TLE2: variants seen among roughly 807,000 people sequenced by gnomAD.
The protein encoded by TLE2 is TLE family member 2, transcriptional corepressor.
Under a neutral mutation model 97.2 loss-of-function variants are expected in TLE2, and 74 were observed. The ratio of observed to expected loss-of-function variants is 0.76; its 90% CI spans 0.63 to 0.92. The LOEUF (loss-of-function observed/expected upper bound fraction) is 0.92, where lower values mean the gene tolerates loss of function less well. Among genes scored for constraint, TLE2 ranks in the 40% least tolerant of loss-of-function variants. The probability of loss-of-function intolerance (pLI) is 0.00; values close to 1 mark genes in which losing one functional copy is unlikely to be tolerated. For synonymous variants in TLE2, 499 were observed against 432.1 expected (o/e 1.15, Z -1.92); for missense variants, 1,038 against 1,008.7 (o/e 1.03, Z -0.39).
chr19:3,023,588 A>G (rs1272299795), intron 5 of TLE2, among the ~76,000 whole-genome samples: 1 of 152,156 alleles, frequency 6.6e-6, no homozygotes, highest in African/African-American at 2.4e-5. Flanking sequence ...GAGAGAACGT[A>G]CCACACAGAA....
intron 11 of TLE2, among the ~76,000 whole-genome samples, chr19:3,012,849 T>C (rs1375791865): frequency 6.6e-6 from 1 of 152,106 alleles, no homozygotes; most frequent in African/African-American, 2.4e-5. Flanking sequence ...GCACAAACAG[T>C]GACAGCCACG....
chr19:3,013,959 C>T, intron 10 of TLE2, 141 bp from the exon 11 acceptor site: 1 of 855,696 alleles, frequency 1.2e-6, no homozygotes, highest in Non-Finnish European at 1.6e-6. Context: ...AAATCTTCTG[C>T]TGCCTCAGTT....
chr19:3,045,206 C>G (rs2090133103), intron 1 of TLE2, among the ~76,000 whole-genome samples: 1 of 152,098 alleles, frequency 6.6e-6, no homozygotes. Flanking sequence ...CAGGTGAGAC[C>G]TTGTCTCAAA....
At position 3,028,799 on chromosome 19, in the gene TLE2, G is replaced by T; in HGVS notation, c.29C>A (p.Pro10Gln). The stretch of plus-strand genomic sequence containing the variant: ...CTTGAAGGGCTGGCCGGACTGGAGC[G>T]GGGTCTGGGGGGGGTGTGGGGGAAA... MYPQGRHPT[P>Q]LQSGQPFKFS... Residue 10 changes from proline to glutamine, a missense_variant, in exon 2 of 20, where the codon CCG becomes CAG. Transcript: ENST00000262953. The T allele has an allele frequency of 1.2e-6, 2 of 1,612,578 alleles. No individual in the cohort carries two copies. The highest frequency in any genetic ancestry group is 1.7e-6 in the Non-Finnish European group (2 of 1,179,810).
rs772159492 is a variant in TLE2 at position 2,997,805 on chromosome 19, C to T, written c.*43G>A. On this transcript the variant is annotated 3_prime_UTR_variant, in exon 20 of 20. Coordinates refer to ENST00000262953, the MANE Select transcript of TLE2 (RefSeq NM_003260.5). ...GGATGTCTGTCCTGGCTGCTGATTC[C>T]CCTGGGAGTCTGGACTTCGGGTACA... 3.5e-6 allele frequency: 5 copies of T among 1,439,184 alleles called. No individual in the cohort carries two copies. In the South Asian group the frequency reaches 4.8e-5, roughly 14 times the overall value. 89.2% of individuals were successfully genotyped at this position (1,439,184 alleles called of 1,614,324 possible).
intron 1 of TLE2, among the ~76,000 whole-genome samples, chr19:3,035,730 T>C (rs925186899): frequency 1.9e-4 from 29 of 152,046 alleles, no homozygotes; most frequent in Non-Finnish European, 3.7e-4. Context: ...CCAATGGGGA[T>C]TAGGAGACCA....
chr19:3,044,302 G>A (rs2090126523), intron 1 of TLE2, among the ~76,000 whole-genome samples: 2 of 152,240 alleles, frequency 1.3e-5, no homozygotes, highest in Admixed American at 1.3e-4. Context: ...GCACATCTGG[G>A]TGTGCCGCCC....
chr19:3,019,333 G>T lies in TLE2; in HGVS notation c.500C>A (p.Ala167Glu). 1 of 1,571,822 alleles carries T rather than the reference G, an allele frequency of 6.4e-7. No individual in the cohort carries two copies. The highest frequency in any genetic ancestry group is 8.6e-7 in the Non-Finnish European group (1 of 1,166,984). Residue 167 changes from alanine to glutamate, a missense_variant, in exon 7 of 20, where the codon GCG becomes GAG. Ala to Glu is a moderately radical substitution (Grantham distance 107). Coordinates refer to ENST00000262953, the MANE Select transcript of TLE2 (RefSeq NM_003260.5). This position sits in a 1 kb window ranked among gnomAD's most constrained non-coding sequence, Gnocchi z 5.1. ...SGALAAQAQLAAAVKEDRAGV... is the reference protein window; with the variant it reads ...SGALAAQAQLEAAVKEDRAGV... ...CGCACGGTCCTCCTTGACAGCCGCC[G>T]CCAGCTGAGCCTGGGCAGCCAGGGC...
At chr19:3,013,428 T>C (rs1401341641) in intron 11 of TLE2, among the ~76,000 whole-genome samples, 1 of 151,980 alleles carries the variant, frequency 6.6e-6, no homozygotes, top group African/African-American at 2.4e-5. Flanking sequence ...TGTAAGGTAG[T>C]GAATTGCCTT....
upstream of TLE2, among the ~76,000 whole-genome samples, chr19:3,030,420 T>C (rs1654679): frequency 0.41 from 62,802 of 152,002 alleles, 13,303 homozygotes; most frequent in African/African-American, 0.5. Context: ...AGGAGAGGTT[T>C]GTGAAGTCAA....
Position 3,013,173 on chromosome 19 carries a change from G to A in TLE2, c.873+496C>T, listed in dbSNP as rs76864144. Among the ~76,000 whole-genome samples, 574 of 152,196 alleles carry A rather than the reference G, an allele frequency of 3.8e-3. 4 individuals carry two copies. Among genetic ancestry groups the A allele is most frequent in the African/African-American group, 0.013 (545 of 41,534 alleles). ...AAAGGAGCTGAATTTCTAATGCCCT[G>A]GGGGTGCTTTTAGATGGCTCACATG... is the stretch of plus-strand genomic sequence containing the variant. On this transcript the variant is annotated intron_variant, in intron 11 of 19. Coordinates refer to ENST00000262953, the MANE Select transcript of TLE2 (RefSeq NM_003260.5).
chr19:3,016,013 T>C, intron 8 of TLE2: 1 of 577,696 alleles, frequency 1.7e-6, no homozygotes, highest in Non-Finnish European at 3.3e-6. Flanking sequence ...CTCGGCCCAC[T>C]GAGACCCCCG....
chr19:3,011,866 A>C (rs1213635897), intron 11 of TLE2, among the ~76,000 whole-genome samples: 2 of 150,448 alleles, frequency 1.3e-5, no homozygotes, highest in Admixed American at 6.6e-5. Context: ...AAAACAAAAC[A>C]AAAAAAAGGC....
upstream of TLE2, among the ~76,000 whole-genome samples, chr19:3,033,016 C>T (rs1226399720): frequency 2.0e-5 from 3 of 151,688 alleles, no homozygotes; most frequent in Non-Finnish European, 4.4e-5. Context: ...TCACTGCAAC[C>T]TCCGCCTCCC....
At position 3,006,622 on chromosome 19, in the gene TLE2, G is replaced by A. The variant is rs2089484886; in HGVS notation, c.1298C>T (p.Pro433Leu). ...VSADGQMQPVPFPSDALVGAG... is the reference protein window; with the variant it reads ...VSADGQMQPVLFPSDALVGAG... ...GCCTACCAGTGCATCCGAGGGGAAG[G>A]GAACCGGCTGCATCTGCCCGTCCGC... Residue 433 changes from proline (P) to leucine (L), a missense_variant, in exon 15 of 20, where the codon CCC becomes CTC. Pro to Leu is a moderately conservative substitution (Grantham distance 98, BLOSUM62 -3). Coordinates refer to ENST00000262953, the MANE Select transcript of TLE2 (RefSeq NM_003260.5). The A allele has an allele frequency of 6.2e-7, 1 of 1,610,592 alleles. No homozygotes were observed. Among genetic ancestry groups the A allele is most frequent in the African/African-American group, 1.3e-5 (1 of 74,880 alleles).
In TLE2 at chr19:3,025,055, T is replaced by C. The variant is rs1338381627; in HGVS notation, c.259A>G (p.Ile87Val). ...QAEIVKRLSG[I>V]CAQIIPFLTQ... ...AGGAAGGGGATAATCTGAGCGCAGA[T>C]ACCGCTCAGACGCTTCACAATCTCC... Residue 87 changes from isoleucine (I) to valine (V), a missense_variant, in exon 5 of 20, where the codon ATC (isoleucine) becomes GTC (valine). Coordinates refer to ENST00000262953, the MANE Select transcript of TLE2 (RefSeq NM_003260.5). The C allele has an allele frequency of 4.4e-6, 7 of 1,605,244 alleles. No individual in the cohort carries two copies. The highest frequency in any genetic ancestry group is 6.0e-6 in the Non-Finnish European group (7 of 1,176,180).
At chr19:3,034,875 C>T (rs2090050992) in intron 1 of TLE2, among the ~76,000 whole-genome samples, 1 of 152,144 alleles carries the variant, frequency 6.6e-6, no homozygotes, top group Non-Finnish European at 1.5e-5. Context: ...GACACGTACC[C>T]TCCCAGGGTC....
chr19:3,006,467 C>A lies in TLE2; in HGVS notation c.1453G>T (p.Val485Leu), dbSNP rs2145130208. 9 of 1,610,916 alleles carry A rather than the reference C, an allele frequency of 5.6e-6. No individual in the cohort carries two copies. The South Asian group carries it at 9.9e-5, about 18-fold the overall frequency. Residue 485 changes from valine to leucine, a missense_variant, in exon 15 of 20, where the codon GTG becomes TTG. Physicochemically the swap from Val to Leu is conservative, Grantham distance 32 (BLOSUM62 1). Coordinates refer to ENST00000262953, the MANE Select transcript of TLE2 (RefSeq NM_003260.5). ...GGKGCVKVWDVGQPGAKTPVA... is the reference protein window; with the variant it reads ...GGKGCVKVWDLGQPGAKTPVA... ...GGCGTCTTGGCCCCAGGCTGGCCCA[C>A]GTCCCACACCTTCACACAGCCCTTG...
At chr19:3,023,455 A>G (rs535810005) in intron 5 of TLE2, among the ~76,000 whole-genome samples, 1 of 152,178 alleles carries the variant, frequency 6.6e-6, no homozygotes, top group Non-Finnish European at 1.5e-5. Context: ...GCTTCCAGAA[A>G]TCTCAGACTC....
Sources: gnomAD v4.1 joint callset for allele counts (sites outside exome capture counted in the v4.1 genomes callset) on GRCh38, gnomAD v4.1.1 for gene constraint, Gnocchi (gnomAD v3.1) non-coding constraint, MANE v1.5 for transcripts, NCBI Gene and HGNC (gene_info 2026-07-23, HGNC 2026-07-21) for gene names.